Variants in STPG2 observed in about 807,000 individuals in gnomAD.
The protein encoded by STPG2 is sperm tail PG-rich repeat containing 2, also known as sperm-tail PG-rich repeat-containing protein 2.
A neutral mutation model predicts 54.2 loss-of-function variants in STPG2; 56 were observed. The ratio of observed to expected loss-of-function variants is 1.03; its 90% CI spans 0.83 to 1.29. The LOEUF (loss-of-function observed/expected upper bound fraction) is 1.29, where lower values mean the gene tolerates loss of function less well. Ranked by LOEUF, STPG2 falls within the 50% of genes most tolerant of loss-of-function variation. The pLI, the probability that STPG2 is intolerant of heterozygous loss-of-function variation, is 0.00. For missense variants in STPG2, 596 were observed against 544.9 expected, an observed-to-expected ratio of 1.09 and a Z score of -0.93; for synonymous variants, 200 against 181.8, an observed-to-expected ratio of 1.10 and a Z score of -0.81.
intron 9 of STPG2, among the ~76,000 whole-genome samples, chr4:97,809,917 C>G (rs765628557): frequency 1.3e-5 from 2 of 151,858 alleles, no homozygotes; most frequent in African/African-American, 2.4e-5. Context: ...AAAAAATGCA[C>G]TAGTATTTAA....
At chr4:97,879,534 C>A (rs1730297685) in intron 8 of STPG2, among the ~76,000 whole-genome samples, 1 of 152,112 alleles carries the variant, frequency 6.6e-6, no homozygotes, top group Admixed American at 6.6e-5. Flanking sequence ...GCCATCAGAT[C>A]TCATGAGACT....
chr4:97,914,260 T>C (rs1365572507), intron 8 of STPG2, among the ~76,000 whole-genome samples: 1 of 152,066 alleles, frequency 6.6e-6, no homozygotes, highest in Non-Finnish European at 1.5e-5. Flanking sequence ...TAAACACAAC[T>C]AATCTGAGGA....
intron 8 of STPG2, among the ~76,000 whole-genome samples, chr4:97,938,239 C>A (rs1315310266): frequency 6.6e-6 from 1 of 152,178 alleles, no homozygotes; most frequent in Admixed American, 6.5e-5. Context: ...CTCCCTGGCA[C>A]CAGCAGGAAA....
Position 97,742,944 on chromosome 4 carries a change from G to T in STPG2, c.1205-30130C>A, listed in dbSNP as rs917951012. Among the ~76,000 whole-genome samples the T allele has an allele frequency of 5.3e-5, 8 of 151,276 alleles. No individual in the cohort carries two copies. In the Admixed American group the frequency reaches 5.3e-4, roughly 10 times the overall value. On this transcript the variant is annotated intron_variant, in intron 9 of 10. Transcript: ENST00000295268. ...CACAAAAATAATATGTAAAATGAGG[G>T]AGATGTTAATTGGCTTCACTGTAAT...
downstream of STPG2, among the ~76,000 whole-genome samples, chr4:97,558,629 T>G (rs1732139949): frequency 6.6e-6 from 1 of 152,174 alleles, no homozygotes; most frequent in African/African-American, 2.4e-5. Flanking sequence ...ACAGCCCGTG[T>G]GGAGGTGAAT....
intron 7 of STPG2, among the ~76,000 whole-genome samples, chr4:97,947,663 C>A (rs1279085512): frequency 6.6e-6 from 1 of 151,812 alleles, no homozygotes; most frequent in Non-Finnish European, 1.5e-5. Flanking sequence ...ATTGAGATAA[C>A]CATATGGTTT....
At chr4:98,051,622 C>T (rs1009314319) in intron 5 of STPG2, among the ~76,000 whole-genome samples, 7 of 152,060 alleles carry the variant, frequency 4.6e-5, no homozygotes, top group Non-Finnish European at 7.3e-5. Context: ...ACTTCCCAGT[C>T]TCCAGAATCA....
At chr4:97,982,016 C>A (rs1315554480) in intron 5 of STPG2, among the ~76,000 whole-genome samples, 1 of 151,640 alleles carries the variant, frequency 6.6e-6, no homozygotes, top group Non-Finnish European at 1.5e-5. Flanking sequence ...TCCCACGCAG[C>A]TGGGACCACA....
chr4:98,118,677 T>C (rs1739589301), intron 3 of STPG2, among the ~76,000 whole-genome samples: 3 of 152,272 alleles, frequency 2.0e-5, no homozygotes, highest in South Asian at 2.1e-4. Context: ...TCTGCTGCTA[T>C]GGAAGTAGGG....
intron 10 of STPG2, among the ~76,000 whole-genome samples, chr4:97,665,969 C>T (rs1722508751): frequency 6.6e-6 from 1 of 152,118 alleles, no homozygotes; most frequent in Non-Finnish European, 1.5e-5. Context: ...CAGAAGCAGG[C>T]ACTTACAAGC....
At chr4:97,983,941 A>C (rs1278648331) in intron 5 of STPG2, among the ~76,000 whole-genome samples, 1 of 152,228 alleles carries the variant, frequency 6.6e-6, no homozygotes, top group Non-Finnish European at 1.5e-5. Context: ...ATGAGTTCAC[A>C]TAAAAGCCTT....
Position 97,531,726 on chromosome 4 carries a change from G to C in STPG2, c.462+180973C>G, listed in dbSNP as rs1468993362. ...CCAGAGGCTGGGAAGGGTAATGGGG[G>C]GATTGGAGGATATGTGGGAATGGTC... On this transcript the variant is annotated intron_variant, in intron 4 of 4. Coordinates refer to the STPG2 transcript ENST00000522676. Among the ~76,000 whole-genome samples, 3 of 152,104 alleles carry C rather than the reference G, an allele frequency of 2.0e-5. No homozygotes were observed. In the East Asian group the frequency reaches 5.8e-4, roughly 29 times the overall value.
chr4:97,662,529 T>C (rs914420504), intron 10 of STPG2, among the ~76,000 whole-genome samples: 3 of 152,070 alleles, frequency 2.0e-5, no homozygotes, highest in Admixed American at 2.0e-4. Context: ...CAAAGAAAAA[T>C]AAATCATTCT....
intron 5 of STPG2, among the ~76,000 whole-genome samples, chr4:98,082,774 C>T (rs1738389567): frequency 6.6e-6 from 1 of 151,844 alleles, no homozygotes; most frequent in Non-Finnish European, 1.5e-5. Flanking sequence ...ATAAGTCAAA[C>T]ATTTCCTAAA....
intron 8 of STPG2, among the ~76,000 whole-genome samples, chr4:97,897,038 C>A (rs886940705): frequency 6.6e-6 from 1 of 151,702 alleles, no homozygotes; most frequent in Non-Finnish European, 1.5e-5. Context: ...AGTTATTATT[C>A]CTGATCCTCT....
chr4:98,058,383 A>G (rs1317109082), intron 5 of STPG2, among the ~76,000 whole-genome samples: 1 of 152,228 alleles, frequency 6.6e-6, no homozygotes, highest in Non-Finnish European at 1.5e-5. Flanking sequence ...AAACAAATGG[A>G]AAACAGAAGA....
chr4:97,794,454 G>C (rs1407830791), intron 9 of STPG2, among the ~76,000 whole-genome samples: 1 of 152,000 alleles, frequency 6.6e-6, no homozygotes, highest in Non-Finnish European at 1.5e-5. Flanking sequence ...ATTGCAATTA[G>C]AGTGCAATGC....
At chr4:98,015,524 G>T (rs573091602) in intron 5 of STPG2, among the ~76,000 whole-genome samples, 1 of 152,134 alleles carries the variant, frequency 6.6e-6, no homozygotes, top group Admixed American at 6.6e-5. Flanking sequence ...TCTCATGCCA[G>T]TTGGAATGGC....
At chr4:97,463,487 T>C (rs551813168) in intron 4 of STPG2, 2 of 152,380 alleles carry the variant, frequency 1.3e-5, no homozygotes, top group South Asian at 4.1e-4. Flanking sequence ...TTCACTCTTG[T>C]CACTTAGGCT....
Sources: allele counts gnomAD v4.1 joint callset (sites outside exome capture counted in the v4.1 genomes callset), GRCh38; gene constraint gnomAD v4.1.1; transcripts MANE v1.5; gene names NCBI Gene and HGNC (gene_info 2026-07-23, HGNC 2026-07-21).